The following ANKS1A variants were observed in gnomAD, a reference collection of about 807,000 sequenced individuals.
ANKS1A encodes the protein ankyrin repeat and sterile alpha motif domain containing 1A, also known as ankyrin repeat and SAM domain-containing protein 1A.
ANKS1A carries 55 observed loss-of-function variants against 120.3 expected under a neutral mutation model. The observed-to-expected ratio is 0.46, with a 90% CI of 0.37 to 0.57. The LOEUF is 0.57. Ranked by LOEUF, ANKS1A falls within the 20% of genes least tolerant of loss-of-function variation. ANKS1A has a pLI of 0.00. For synonymous variants in ANKS1A, 590 were observed against 604.7 expected, an observed-to-expected ratio of 0.98 and a Z score of 0.36; for missense variants, 1,123 against 1,480.3, an observed-to-expected ratio of 0.76 and a Z score of 3.96.
chr6:34,989,395 T>C (rs1772392512), intron 9 of ANKS1A, 79 bp downstream of exon 9: 1 of 1,350,210 alleles, frequency 7.4e-7, no homozygotes, highest in South Asian at 1.2e-5. Flanking sequence ...TTTAAAAGAC[T>C]TTGCTTTCTC....
rs2127435815 is a variant in ANKS1A at position 34,889,501 on chromosome 6, G to C, written c.99G>C (p.Gly33=). The C allele has an allele frequency of 3.9e-6, 5 of 1,277,048 alleles. No individual in the cohort carries two copies. The South Asian group carries it at 1.4e-4, about 35-fold the overall frequency. 79.1% of individuals were successfully genotyped at this position (1,277,048 alleles called of 1,614,324 possible). Residue 33 remains glycine, a synonymous_variant, in exon 1 of 24, where the codon GGG becomes GGC. Coordinates refer to ENST00000360359, the MANE Select transcript of ANKS1A (RefSeq NM_015245.3). The surrounding 1 kb of genome is among the most constrained non-coding windows in gnomAD (Gnocchi z 5.5). ...LSGKRLSSGF[G]GGGGGGSGGG... is the part of the protein sequence containing the mutation. ...GGAAGCGGCTCTCCTCAGGCTTTGG[G>C]GGCGGCGGCGGCGGTGGCTCTGGGG...
chr6:34,932,886 CTG>C (rs1769061285), intron 1 of ANKS1A, among the ~76,000 whole-genome samples: 1 of 152,150 alleles, frequency 6.6e-6, no homozygotes, highest in Non-Finnish European at 1.5e-5. Flanking sequence ...TATGTTAACT[CTG>C]TTTAACTTTT....
At chr6:35,025,386 G>A (rs1774568995) in intron 11 of ANKS1A, among the ~76,000 whole-genome samples, 1 of 152,006 alleles carries the variant, frequency 6.6e-6, no homozygotes, top group African/African-American at 2.4e-5. Context: ...GCGGGAGTTA[G>A]TCCTGGCTCT....
Position 35,091,379 on chromosome 6 carries a change from T to TTA in ANKS1A, c.*2771_*2772dup, listed in dbSNP as rs1453703719. The TTA allele has an allele frequency of 3.0e-6, 3 of 985,392 alleles. No homozygotes were observed. The highest frequency in any genetic ancestry group is 3.5e-5 in the African/African-American group (2 of 57,252). The allele number at this position is 985,392 out of a possible 1,614,324, so 61.0% of individuals were successfully genotyped here. ...TGTACACAACTTAGAACAGACTGAA[T>TTA]TAATAAATGAGAAGCGACATGAACG... On this transcript the variant is annotated 3_prime_UTR_variant, in exon 24 of 24. Coordinates refer to ENST00000360359, the MANE Select transcript of ANKS1A (RefSeq NM_015245.3).
intron 2 of ANKS1A, among the ~76,000 whole-genome samples, chr6:34,969,220 T>C (rs950816985): frequency 6.6e-6 from 1 of 152,184 alleles, no homozygotes; most frequent in African/African-American, 2.4e-5. Context: ...TGATAACATA[T>C]GTGTCTGGCT....
intron 1 of ANKS1A, among the ~76,000 whole-genome samples, chr6:34,895,895 T>C (rs1312514460): frequency 2.0e-5 from 3 of 147,172 alleles, no homozygotes; most frequent in Non-Finnish European, 3.0e-5. Flanking sequence ...GTTCAAGCGA[T>C]TCTCCTGTCT....
intron 9 of ANKS1A, among the ~76,000 whole-genome samples, chr6:34,991,498 G>A (rs1171385668): frequency 2.0e-5 from 3 of 147,002 alleles, no homozygotes. Context: ...TTTCTCTGCA[G>A]CAGAAATGTT....
intron 1 of ANKS1A, among the ~76,000 whole-genome samples, chr6:34,966,265 C>T (rs546501890): frequency 6.6e-6 from 1 of 152,200 alleles, no homozygotes; most frequent in African/African-American, 2.4e-5. Context: ...TAAGTTTACT[C>T]CAAGAATGGC....
At chr6:35,020,286 ATTAC>A (rs1490156303) in intron 11 of ANKS1A, among the ~76,000 whole-genome samples, 1 of 152,234 alleles carries the variant, frequency 6.6e-6, no homozygotes, top group East Asian at 1.9e-4. Flanking sequence ...CAGTGTAACA[ATTAC>A]TTACATATAG....
rs112942831 is a variant in ANKS1A at position 35,032,503 on chromosome 6, C to T, written c.2010+14444C>T. On this transcript the variant is annotated intron_variant, in intron 11 of 23. Transcript: ENST00000360359. ...TCATTTTTACAAGCCCTGCGGCTCC[C>T]CAGCCCCAAACGGGTGCATAGAAAA... Among the ~76,000 whole-genome samples, 356 of 152,306 alleles carry T rather than the reference C, an allele frequency of 2.3e-3. 1 individual carries two copies. The highest frequency in any genetic ancestry group is 8.1e-3 in the African/African-American group (336 of 41,548).
At chr6:34,988,485 A>G (rs867003736) in intron 8 of ANKS1A, among the ~76,000 whole-genome samples, 16 of 152,260 alleles carry the variant, frequency 1.1e-4, no homozygotes, top group African/African-American at 3.4e-4. Context: ...AGTCCCAGCT[A>G]CTCGGGAGGC....
intron 1 of ANKS1A, among the ~76,000 whole-genome samples, chr6:34,943,321 C>T (rs1342032393): frequency 6.6e-6 from 1 of 152,180 alleles, no homozygotes; most frequent in Non-Finnish European, 1.5e-5. Flanking sequence ...TACTTCTTCT[C>T]TCTCCCACTC....
At position 35,082,577 on chromosome 6, in the gene ANKS1A, T is replaced by C. The variant is rs937290420; in HGVS notation, c.2710-114T>C. 14 of 1,389,266 alleles carry C rather than the reference T, an allele frequency of 1.0e-5. No homozygotes were observed. The highest frequency in any genetic ancestry group is 1.5e-5 in the African/African-American group (1 of 68,470). The allele number at this position is 1,389,266 out of a possible 1,614,324, so 86.1% of individuals were successfully genotyped here. ...GCCCCCTGCCATCTCCACTCGACCC[T>C]TGAACTTGCTAAGGTCACTGGCATC... On this transcript the variant is annotated intron_variant, in intron 17 of 23. Transcript: ENST00000360359. This position sits in a 1 kb window ranked among gnomAD's most constrained non-coding sequence, Gnocchi z 4.1.
chr6:34,978,344 C>G lies in ANKS1A; in HGVS notation c.436-3346C>G, dbSNP rs374479203. Reference sequence around the variant, plus strand: ...GCTATTTCCTCTCACTCCATTTTCTCAGTCCAGATTAGTAGTAATAGGATT... The same window carrying G: ...GCTATTTCCTCTCACTCCATTTTCTGAGTCCAGATTAGTAGTAATAGGATT... On this transcript the variant is annotated intron_variant, in intron 3 of 23. Coordinates refer to ENST00000360359, the MANE Select transcript of ANKS1A (RefSeq NM_015245.3). 1.3e-3 allele frequency among the ~76,000 whole-genome samples: 200 copies of G among 152,264 alleles called. 4 individuals are homozygous for G. The South Asian group carries it at 0.039, about 30-fold the overall frequency.
intron 1 of ANKS1A, among the ~76,000 whole-genome samples, chr6:34,922,812 G>A (rs1768507606): frequency 6.6e-6 from 1 of 151,212 alleles, no homozygotes; most frequent in Non-Finnish European, 1.5e-5. Context: ...CCCTGCCTCA[G>A]CCTGCTGAGT....
intron 11 of ANKS1A, among the ~76,000 whole-genome samples, chr6:35,018,719 G>C (rs1028683733): frequency 8.6e-5 from 13 of 151,994 alleles, no homozygotes; most frequent in Non-Finnish European, 1.6e-4. Context: ...AGTCCCCAGT[G>C]TCTATTGTTG....
chr6:34,910,811 A>C (rs1767872381), intron 1 of ANKS1A, among the ~76,000 whole-genome samples: 4 of 149,612 alleles, frequency 2.7e-5, no homozygotes, highest in Admixed American at 2.0e-4. Context: ...CAGTGAGCCG[A>C]GATTGCACCA....
chr6:34,952,711 T>TC (rs1167149925), intron 1 of ANKS1A, among the ~76,000 whole-genome samples: 1 of 142,568 alleles, frequency 7.0e-6, no homozygotes, highest in Non-Finnish European at 1.5e-5. Context: ...ATTTAAGTTC[T>TC]TTTTTTTTTT....
At position 35,050,189 on chromosome 6, in the gene ANKS1A, C is replaced by A. The variant is rs971301738; in HGVS notation, c.2011-3910C>A. On this transcript the variant is annotated intron_variant, in intron 11 of 23. Transcript: ENST00000360359. The surrounding 1 kb of genome is among the most constrained non-coding windows in gnomAD (Gnocchi z 4.3). ...TATGGGGAATACATTTTACACAGCC[C>A]TGGCAGGGAAAAATAGTCTAAACAG... Among the ~76,000 whole-genome samples the A allele has an allele frequency of 2.0e-5, 3 of 152,148 alleles. No individual in the cohort carries two copies. The highest frequency in any genetic ancestry group is 7.2e-5 in the African/African-American group (3 of 41,416).
Sources: allele counts gnomAD v4.1 joint callset (sites outside exome capture counted in the v4.1 genomes callset), GRCh38; gene constraint gnomAD v4.1.1; non-coding constraint Gnocchi (gnomAD v3.1); transcripts MANE v1.5; gene names NCBI Gene and HGNC (gene_info 2026-07-23, HGNC 2026-07-21).